Variants in HECW2 observed in about 807,000 individuals in gnomAD.
HECW2 encodes HECT, C2 and WW domain containing E3 ubiquitin protein ligase 2.
HECW2 carries 61 observed loss-of-function variants against 175.2 expected under a neutral mutation model. The observed-to-expected ratio is 0.35, with a 90% CI of 0.28 to 0.43. HECW2 has a LOEUF of 0.43. HECW2 is among the 20% of genes least tolerant of loss of function. The probability of loss-of-function intolerance (pLI) is 1.00; values close to 1 mark genes in which losing one functional copy is unlikely to be tolerated. For synonymous variants in HECW2, 671 were observed against 731.0 expected (o/e 0.92, Z 1.32); for missense variants, 1,524 against 2,000.5 (o/e 0.76, Z 4.54).
At chr2:196,354,413 T>A (rs568151553) in intron 2 of HECW2, among the ~76,000 whole-genome samples, 3 of 152,278 alleles carry the variant, frequency 2.0e-5, no homozygotes, top group African/African-American at 7.2e-5. Flanking sequence ...TCCCTCCCGC[T>A]AGGGGCTGAG....
chr2:196,573,998 C>T (rs950701103), intron 1 of HECW2, among the ~76,000 whole-genome samples: 3 of 151,132 alleles, frequency 2.0e-5, no homozygotes, highest in Non-Finnish European at 4.4e-5. Flanking sequence ...CTGGGTAATA[C>T]AGTGGGATCC....
intron 10 of HECW2, among the ~76,000 whole-genome samples, chr2:196,310,426 T>C (rs1691449448): frequency 6.6e-6 from 1 of 152,238 alleles, no homozygotes; most frequent in Admixed American, 6.5e-5. Flanking sequence ...ATCCATGAAC[T>C]ACATATCCAC....
intron 1 of HECW2, among the ~76,000 whole-genome samples, chr2:196,546,697 G>A (rs1410488199): frequency 1.3e-5 from 2 of 152,070 alleles, no homozygotes; most frequent in African/African-American, 4.8e-5. Flanking sequence ...GGTCAGGCAT[G>A]ACAGCTCAAC....
chr2:196,463,823 C>G (rs1291108899), intron 1 of HECW2, among the ~76,000 whole-genome samples: 1 of 152,196 alleles, frequency 6.6e-6, no homozygotes, highest in Non-Finnish European at 1.5e-5. Context: ...TGAAAATCCA[C>G]AGGGGCAACG....
chr2:196,422,893 T>C (rs1575526103), intron 2 of HECW2, among the ~76,000 whole-genome samples: 1 of 152,200 alleles, frequency 6.6e-6, no homozygotes, highest in Admixed American at 6.6e-5. Flanking sequence ...TTCCATTTGA[T>C]TGAATTTCAG....
chr2:196,429,242 G>C (rs1263663551), intron 2 of HECW2, among the ~76,000 whole-genome samples: 1 of 151,260 alleles, frequency 6.6e-6, no homozygotes, highest in Admixed American at 6.6e-5. Flanking sequence ...CCTGAGCCTG[G>C]GGGGGGCCTA....
intron 2 of HECW2, among the ~76,000 whole-genome samples, chr2:196,432,764 A>G (rs1695752350): frequency 6.6e-6 from 1 of 152,220 alleles, no homozygotes; most frequent in South Asian, 2.1e-4. Flanking sequence ...CTCTTTCATC[A>G]GTTTAAAAAT....
intron 1 of HECW2, among the ~76,000 whole-genome samples, chr2:196,444,611 C>T (rs1231008181): frequency 6.6e-6 from 1 of 152,162 alleles, no homozygotes; most frequent in Non-Finnish European, 1.5e-5. Context: ...TCTCTCCCTA[C>T]AGCACTTTTT....
At chr2:196,530,917 C>G (rs901684770) in intron 1 of HECW2, among the ~76,000 whole-genome samples, 2 of 152,184 alleles carry the variant, frequency 1.3e-5, no homozygotes, top group Non-Finnish European at 2.9e-5. Context: ...AATACACTAT[C>G]CTCTTACCAT....
intron 2 of HECW2, among the ~76,000 whole-genome samples, chr2:196,431,016 G>T (rs920618386): frequency 6.6e-6 from 1 of 152,004 alleles, no homozygotes; most frequent in South Asian, 2.1e-4. Flanking sequence ...CCAAGATAAA[G>T]AGAAAAATCT....
At chr2:196,309,527 G>T (rs540571451) in intron 10 of HECW2, among the ~76,000 whole-genome samples, 8 of 152,206 alleles carry the variant, frequency 5.3e-5, no homozygotes, top group Non-Finnish European at 8.8e-5. Flanking sequence ...GCATCTTCAG[G>T]AACCATTTTT....
At chr2:196,408,766 G>A (rs1478800235) in intron 2 of HECW2, among the ~76,000 whole-genome samples, 1 of 152,176 alleles carries the variant, frequency 6.6e-6, no homozygotes. Flanking sequence ...CACATGTTAA[G>A]TCAAGAGGAC....
At chr2:196,489,215 T>C (rs1222711834) in intron 1 of HECW2, among the ~76,000 whole-genome samples, 1 of 152,194 alleles carries the variant, frequency 6.6e-6, no homozygotes, top group Non-Finnish European at 1.5e-5. Context: ...AAGCGTATAC[T>C]GAACATATTT....
At chr2:196,590,746 C>T (rs1487124560) in intron 1 of HECW2, among the ~76,000 whole-genome samples, 3 of 152,232 alleles carry the variant, frequency 2.0e-5, no homozygotes, top group Non-Finnish European at 2.9e-5. Context: ...AACGCCAAAG[C>T]ATCTGTCCTC....
At chr2:196,585,682 A>T (rs537517487) in intron 1 of HECW2, among the ~76,000 whole-genome samples, 1 of 152,062 alleles carries the variant, frequency 6.6e-6, no homozygotes, top group Non-Finnish European at 1.5e-5. Context: ...AGAACAAAGG[A>T]GGAGAAGGAG....
chr2:196,513,991 G>C (rs771537245), intron 1 of HECW2, among the ~76,000 whole-genome samples: 21 of 152,218 alleles, frequency 1.4e-4, no homozygotes, highest in Admixed American at 6.5e-4. Context: ...CAGAGCCAGT[G>C]GGAGCCAGCA....
intron 1 of HECW2, among the ~76,000 whole-genome samples, chr2:196,454,800 A>T (rs188315645): frequency 1.3e-5 from 2 of 152,300 alleles, no homozygotes; most frequent in Admixed American, 1.3e-4. Context: ...CTGGAAGGCT[A>T]CTCAACATTT....
intron 10 of HECW2, 21 bp from the exon 11 acceptor site, chr2:196,308,106 G>A (rs777059399): frequency 3.5e-5 from 54 of 1,536,228 alleles, no homozygotes; most frequent in Non-Finnish European, 4.6e-5. Context: ...GTGAGGCACC[G>A]AAAGGAATTA....
In HECW2 at chr2:196,528,027, G is replaced by C. The variant is rs114510299; in HGVS notation, c.-36+65481C>G. On this transcript the variant is annotated intron_variant, in intron 1 of 28. Coordinates refer to ENST00000644978, the MANE Select transcript of HECW2 (RefSeq NM_001348768.2). ...TTGAGTGATTTGGTTTCCTCTAAAA[G>C]GTTCTTTTTCCTCTTCTAGAAAATG... Among the ~76,000 whole-genome samples, 376 of 152,218 alleles carry C rather than the reference G, an allele frequency of 2.5e-3. 1 individual carries two copies. The highest frequency in any genetic ancestry group is 4.0e-3 in the Non-Finnish European group (270 of 68,004).
Sources: allele counts gnomAD v4.1 joint callset (sites outside exome capture counted in the v4.1 genomes callset), GRCh38; gene constraint gnomAD v4.1.1; transcripts MANE v1.5; gene names NCBI Gene and HGNC (gene_info 2026-07-23, HGNC 2026-07-21).